ADGRL3: variants seen among roughly 807,000 people sequenced by gnomAD.
ADGRL3 encodes calcium-independent alpha-latrotoxin receptor 3.
Under a neutral mutation model 153.5 loss-of-function variants are expected in ADGRL3, and 62 were observed. The observed-to-expected ratio is 0.40, with a 90% CI of 0.33 to 0.50. The LOEUF (loss-of-function observed/expected upper bound fraction) is 0.50, where lower values mean the gene tolerates loss of function less well. Ranked by LOEUF, ADGRL3 falls within the 20% of genes least tolerant of loss-of-function variation. The pLI is 0.47. For synonymous variants in ADGRL3, 710 were observed against 672.5 expected (o/e 1.06, Z -0.86); for missense variants, 1,641 against 1,859.4 (o/e 0.88, Z 2.16).
intron 1 of ADGRL3, among the ~76,000 whole-genome samples, chr4:61,337,497 C>T (rs1050261414): frequency 6.6e-6 from 1 of 152,148 alleles, no homozygotes; most frequent in Non-Finnish European, 1.5e-5. Flanking sequence ...CGGCCATTTC[C>T]TGCCCTTCTC....
At chr4:61,471,257 G>GT (rs1376296064) in intron 2 of ADGRL3, among the ~76,000 whole-genome samples, 2 of 151,332 alleles carry the variant, frequency 1.3e-5, no homozygotes, top group Admixed American at 6.6e-5. Flanking sequence ...AGCTTTAAGT[G>GT]TTTTTTTAAA....
intron 1 of ADGRL3, among the ~76,000 whole-genome samples, chr4:61,217,226 C>T (rs1041115445): frequency 9.9e-5 from 15 of 152,130 alleles, no homozygotes; most frequent in Admixed American, 2.0e-4. Flanking sequence ...GTAAGTGCTA[C>T]AGAAGACAAG....
At chr4:61,279,966 T>C (rs2093649708) in intron 1 of ADGRL3, among the ~76,000 whole-genome samples, 1 of 152,142 alleles carries the variant, frequency 6.6e-6, no homozygotes, top group South Asian at 2.1e-4. Flanking sequence ...ATATCAAATG[T>C]ACAAATACAT....
chr4:61,404,025 C>A (rs1316049433), intron 2 of ADGRL3, among the ~76,000 whole-genome samples: 1 of 151,890 alleles, frequency 6.6e-6, no homozygotes, highest in Admixed American at 6.6e-5. Context: ...TTTAGGGCTT[C>A]AATATAAGAA....
At chr4:61,355,280 T>C (rs923740099) in intron 1 of ADGRL3, among the ~76,000 whole-genome samples, 14 of 152,252 alleles carry the variant, frequency 9.2e-5, no homozygotes, top group African/African-American at 3.4e-4. Flanking sequence ...TGATTTTTGT[T>C]AATATTCTTG....
chr4:62,054,536 AATATT>A (rs1735968450), intron 25 of ADGRL3, among the ~76,000 whole-genome samples: 1 of 151,680 alleles, frequency 6.6e-6, no homozygotes, highest in South Asian at 2.1e-4. Flanking sequence ...AATATGGAAA[AATATT>A]AAATATAAAA....
At chr4:61,289,194 C>A (rs2094069975) in intron 1 of ADGRL3, among the ~76,000 whole-genome samples, 1 of 151,874 alleles carries the variant, frequency 6.6e-6, no homozygotes, top group African/African-American at 2.4e-5. Flanking sequence ...ACAGGCATGA[C>A]TGGCTATCTG....
chr4:61,852,810 TTTTATTTA>T (rs145148534), intron 9 of ADGRL3, among the ~76,000 whole-genome samples: 80,650 of 149,488 alleles, frequency 0.54, 23,765 homozygotes, highest in Non-Finnish European at 0.68. Context: ...ACTCATCATC[TTTTATTTA>T]TTTATTTATT....
At chr4:61,249,429 C>CCCT (rs753287425) in intron 1 of ADGRL3, among the ~76,000 whole-genome samples, 35 of 151,660 alleles carry the variant, frequency 2.3e-4, no homozygotes, top group East Asian at 1.2e-3. Flanking sequence ...TCCTGCCTCA[C>CCCT]CCTCCTCCTC....
At chr4:61,934,604 TG>T (rs1253058434) in intron 13 of ADGRL3, among the ~76,000 whole-genome samples, 3 of 152,222 alleles carry the variant, frequency 2.0e-5, no homozygotes, top group African/African-American at 7.2e-5. Context: ...TGCCTTTATT[TG>T]TTGTCCTTCA....
At chr4:61,376,766 T>A (rs1434835177) in intron 1 of ADGRL3, among the ~76,000 whole-genome samples, 2 of 152,156 alleles carry the variant, frequency 1.3e-5, no homozygotes, top group Non-Finnish European at 2.9e-5. Context: ...TCACAGCAGT[T>A]CTTGTTTTCT....
At chr4:61,226,889 T>A (rs1748218259) in intron 1 of ADGRL3, among the ~76,000 whole-genome samples, 1 of 152,186 alleles carries the variant, frequency 6.6e-6, no homozygotes, top group Admixed American at 6.5e-5. Context: ...GGAATGCCAT[T>A]ATCCTCATAA....
chr4:61,745,807 A>G (rs1286793747), intron 8 of ADGRL3, among the ~76,000 whole-genome samples: 1 of 152,154 alleles, frequency 6.6e-6, no homozygotes, highest in Non-Finnish European at 1.5e-5. Flanking sequence ...TCAACTCACG[A>G]GCAAAATAAC....
intron 5 of ADGRL3, among the ~76,000 whole-genome samples, chr4:61,619,234 G>A (rs186268762): frequency 1.1e-4 from 16 of 152,210 alleles, no homozygotes; most frequent in African/African-American, 3.6e-4. Flanking sequence ...TGCATAGACC[G>A]TACAAAGTTT....
In ADGRL3 at chr4:61,575,959, A is replaced by G. The variant is rs181542552; in HGVS notation, c.260-11268A>G. Among the ~76,000 whole-genome samples, 3 of 152,140 alleles carry G rather than the reference A, an allele frequency of 2.0e-5. No individual in the cohort carries two copies. In the East Asian group the frequency reaches 5.8e-4, roughly 29 times the overall value. On this transcript the variant is annotated intron_variant, in intron 4 of 26. Coordinates refer to ENST00000683033, the MANE Select transcript of ADGRL3 (RefSeq NM_001387552.1). ...ATGGTATATTTTGTGGTTGAGCTGA[A>G]CAAATATAATAGAGTGCTTTACGTG...
intron 17 of ADGRL3, among the ~76,000 whole-genome samples, chr4:61,956,828 T>G (rs542937937): frequency 6.6e-6 from 1 of 152,306 alleles, no homozygotes; most frequent in Admixed American, 6.5e-5. Context: ...GTCAGGTTTG[T>G]CAAAGGTCTG....
At chr4:61,640,871 C>A (rs1198592000) in intron 5 of ADGRL3, among the ~76,000 whole-genome samples, 1 of 152,080 alleles carries the variant, frequency 6.6e-6, no homozygotes, top group African/African-American at 2.4e-5. Flanking sequence ...TGTGAATTAA[C>A]CAGAATTTGA....
At chr4:61,481,565 G>A (rs1019676934) in intron 2 of ADGRL3, among the ~76,000 whole-genome samples, 1 of 151,104 alleles carries the variant, frequency 6.6e-6, no homozygotes, top group African/African-American at 2.4e-5. Flanking sequence ...ATTAATCCAT[G>A]GAAACCTTAA....
chr4:61,723,734 GGTTTCTATTTCC>G, intron 6 of ADGRL3, among the ~76,000 whole-genome samples: 1 of 152,116 alleles, frequency 6.6e-6, no homozygotes, highest in Non-Finnish European at 1.5e-5. Flanking sequence ...GGGTGGATCA[GGTTTCTATTTCC>G]CAGCATTTGC....
Sources: gnomAD v4.1 joint callset for allele counts (sites outside exome capture counted in the v4.1 genomes callset) on GRCh38, gnomAD v4.1.1 for gene constraint, MANE v1.5 for transcripts, NCBI Gene and HGNC (gene_info 2026-07-23, HGNC 2026-07-21) for gene names.